Variants in NSF observed in about 807,000 individuals in gnomAD.
NSF encodes vesicle-fusing ATPase.
A neutral mutation model predicts 50.3 loss-of-function variants in NSF; 14 were observed. The observed-to-expected ratio is 0.28, with a 90% confidence interval of 0.18 to 0.44. The LOEUF is 0.44. Among genes scored for constraint, NSF ranks in the 20% least tolerant of loss-of-function variants. The pLI is 1.00. For missense variants in NSF, 218 were observed against 504.3 expected (o/e 0.43, Z 5.44); for synonymous variants, 109 against 175.7 (o/e 0.62, Z 3.00).
At chr17:46,725,386 A>G (rs1208674816) in intron 15 of NSF, among the ~76,000 whole-genome samples, 1 of 152,114 alleles carries the variant, frequency 6.6e-6, no homozygotes, top group Non-Finnish European at 1.5e-5. Flanking sequence ...ATTAGGGGGT[A>G]AAGGGATGGT....
intron 1 of NSF, among the ~76,000 whole-genome samples, chr17:46,608,915 T>G (rs1296727255): frequency 6.6e-6 from 1 of 151,906 alleles, no homozygotes; most frequent in Non-Finnish European, 1.5e-5. Context: ...TTCTAAGTGG[T>G]GATGAGGATG....
At chr17:46,717,558 A>G (rs1055368184) in intron 15 of NSF, among the ~76,000 whole-genome samples, 1 of 152,112 alleles carries the variant, frequency 6.6e-6, no homozygotes, top group Non-Finnish European at 1.5e-5. Flanking sequence ...TAAAAATACA[A>G]AAATTAGCCA....
intron 9 of NSF, among the ~76,000 whole-genome samples, chr17:46,679,450 A>G (rs2146209941): frequency 7.5e-6 from 1 of 132,796 alleles, no homozygotes; most frequent in Admixed American, 7.6e-5. Flanking sequence ...AAATTCATGT[A>G]AGCTCCTTAT....
At chr17:46,721,857 G>A in intron 15 of NSF, 2 of 1,580,970 alleles carry the variant, frequency 1.3e-6, no homozygotes. Context: ...TTTCGAGTTG[G>A]CTTAGGCAGA....
chr17:46,721,743 T>G, intron 15 of NSF: 1 of 1,605,462 alleles, frequency 6.2e-7, no homozygotes, highest in Non-Finnish European at 8.5e-7. Flanking sequence ...GGGATTCTCT[T>G]GCCCACAATT....
intron 14 of NSF, among the ~76,000 whole-genome samples, 177 bp from the exon 15 acceptor site, chr17:46,713,676 A>G (rs2058740400): frequency 6.6e-6 from 1 of 152,248 alleles, no homozygotes; most frequent in African/African-American, 2.4e-5. Flanking sequence ...TAATTAGTTC[A>G]TTAAGTTTAG....
chr17:46,756,648 A>G lies in NSF; in HGVS notation c.*825A>G, dbSNP rs943572880. The G allele has an allele frequency of 6.6e-6, 1 of 152,574 alleles. No homozygotes were observed. The highest frequency in any genetic ancestry group is 6.5e-5 in the Admixed American group (1 of 15,274). 9.5% of individuals were successfully genotyped at this position (152,574 alleles called of 1,614,324 possible). On this transcript the variant is annotated 3_prime_UTR_variant, in exon 21 of 21. Coordinates refer to ENST00000398238, the MANE Select transcript of NSF (RefSeq NM_006178.4). ...ACCTCTCAGCACTAATTAGTGTCCA[A>G]CTCCAAGTGGGTCAATTCCTTAGTA...
chr17:46,629,882 A>G, intron 3 of NSF, among the ~76,000 whole-genome samples: 1 of 113,258 alleles, frequency 8.8e-6, no homozygotes, highest in Non-Finnish European at 1.8e-5. Flanking sequence ...GTAACAAAGA[A>G]CCATTACTGG....
chr17:46,737,582 TG>T (rs2059020008), intron 17 of NSF, among the ~76,000 whole-genome samples: 1 of 151,562 alleles, frequency 6.6e-6, no homozygotes, highest in Non-Finnish European at 1.5e-5. Flanking sequence ...CGTGTGTGTG[TG>T]TGTGTGTGTG....
Position 46,756,343 on chromosome 17 carries a change from A to G in NSF, c.*520A>G, listed in dbSNP as rs950339966. The G allele has an allele frequency of 6.6e-6, 1 of 152,398 alleles. No individual in the cohort carries two copies. Among genetic ancestry groups the G allele is most frequent in the African/African-American group, 2.4e-5 (1 of 41,474 alleles). 9.4% of individuals were successfully genotyped at this position (152,398 alleles called of 1,614,324 possible). The stretch of plus-strand genomic sequence containing the variant: ...GTTAAAGGTCTCCCACAAGACTGGT[A>G]TTCTCTTTGCCTGAAGAAACAAGGC... On this transcript the variant is annotated 3_prime_UTR_variant, in exon 21 of 21. Transcript: ENST00000398238.
chr17:46,739,666 G>A (rs1375010742), intron 17 of NSF, among the ~76,000 whole-genome samples: 1 of 151,678 alleles, frequency 6.6e-6, no homozygotes, highest in Non-Finnish European at 1.5e-5. Context: ...TTTTCCACCT[G>A]TTGGTACAAA....
chr17:46,743,310 A>G (rs1252794814), intron 17 of NSF, among the ~76,000 whole-genome samples: 1 of 152,072 alleles, frequency 6.6e-6, no homozygotes, highest in East Asian at 1.9e-4. Context: ...TCCTGACACC[A>G]CAGGCAGAGG....
chr17:46,708,197 G>A (rs148689592), intron 13 of NSF, among the ~76,000 whole-genome samples: 28 of 152,118 alleles, frequency 1.8e-4, no homozygotes, highest in African/African-American at 6.0e-4. Flanking sequence ...TAGTTCTTTC[G>A]GGTATATACT....
chr17:46,753,585 C>CT (rs567664054), intron 19 of NSF, among the ~76,000 whole-genome samples: 100 of 151,168 alleles, frequency 6.6e-4, no homozygotes, highest in Non-Finnish European at 1.4e-3. Context: ...TTGTCAGCTT[C>CT]TTTTTTTTTA....
intron 8 of NSF, among the ~76,000 whole-genome samples, chr17:46,656,958 CAAAAAAA>C (rs151339943): frequency 4.7e-4 from 1 of 2,146 alleles, no homozygotes; most frequent in African/African-American, 5.2e-4. Flanking sequence ...TACATAGAAC[CAAAAAAA>C]AAAAAAAAAG....
chr17:46,676,015 T>C (rs1418863384), intron 9 of NSF, among the ~76,000 whole-genome samples: 1 of 136,106 alleles, frequency 7.3e-6, no homozygotes, highest in African/African-American at 3.0e-5. Context: ...GGTTTCATAA[T>C]GTATGGGTTT....
chr17:46,710,909 T>G, intron 13 of NSF, 54 bp from the exon 14 acceptor site: 2 of 1,481,036 alleles, frequency 1.4e-6, no homozygotes, highest in Non-Finnish European at 9.1e-7. Flanking sequence ...TCTTTTATAC[T>G]GTTAGTTTTT....
intron 9 of NSF, among the ~76,000 whole-genome samples, chr17:46,691,764 T>C (rs1009896925): frequency 1.7e-4 from 26 of 151,686 alleles, no homozygotes; most frequent in Non-Finnish European, 2.9e-4. Flanking sequence ...TAGTATTTTT[T>C]GTTTTTGAGA....
intron 17 of NSF, among the ~76,000 whole-genome samples, chr17:46,735,673 A>G (rs1226469413): frequency 1.3e-5 from 2 of 152,126 alleles, no homozygotes; most frequent in African/African-American, 2.4e-5. Context: ...GTCCAGGCGC[A>G]GTGGCTCATG....
Sources: allele counts gnomAD v4.1 joint callset (sites outside exome capture counted in the v4.1 genomes callset), GRCh38; gene constraint gnomAD v4.1.1; transcripts MANE v1.5; gene names NCBI Gene and HGNC (gene_info 2026-07-23, HGNC 2026-07-21).